The following RABEP1 variants were observed in gnomAD, a reference collection of about 807,000 sequenced individuals.
RABEP1 encodes the protein rab GTPase-binding effector protein 1.
A neutral mutation model predicts 123.4 loss-of-function variants in RABEP1; 51 were observed. The observed-to-expected ratio is 0.41, with a 90% CI of 0.33 to 0.52. The LOEUF (loss-of-function observed/expected upper bound fraction) is 0.52. RABEP1 is among the 20% of genes least tolerant of loss of function. The probability of loss-of-function intolerance (pLI) is 0.16; values close to 1 mark genes in which losing one functional copy is unlikely to be tolerated. For synonymous variants in RABEP1, 347 were observed against 355.2 expected (o/e 0.98, Z 0.26); for missense variants, 888 against 996.3 (o/e 0.89, Z 1.46).
At chr17:5,288,522 A>T (rs940507614) in intron 1 of RABEP1, among the ~76,000 whole-genome samples, 2 of 151,954 alleles carry the variant, frequency 1.3e-5, no homozygotes, top group Non-Finnish European at 2.9e-5. Context: ...CAGCCTCCCA[A>T]GTAGCTGGGA....
intron 2 of RABEP1, among the ~76,000 whole-genome samples, chr17:5,318,884 G>A (rs965680407): frequency 6.6e-5 from 10 of 152,122 alleles, no homozygotes; most frequent in East Asian, 1.9e-4. Flanking sequence ...GTGTAGGTAC[G>A]CAAGACTGGT....
intron 12 of RABEP1, among the ~76,000 whole-genome samples, chr17:5,373,024 T>G (rs569053384): frequency 1.8e-4 from 27 of 152,274 alleles, no homozygotes; most frequent in African/African-American, 6.0e-4. Flanking sequence ...TCCCAAAGTG[T>G]TGGGATTACA....
chr17:5,373,377 G>A lies in RABEP1; in HGVS notation c.1948G>A (p.Asp650Asn), dbSNP rs1365056712. Residue 650 changes from aspartate to asparagine, a missense_variant, in exon 13 of 18, where the codon GAC (aspartate) becomes AAC (asparagine). Physicochemically the swap from Asp to Asn is conservative, Grantham distance 23 (BLOSUM62 1). Transcript: ENST00000537505. ...GCTGGTGAGGTTACAGAAAGATAAT[G>A]ACAGTCTCCAGGGAAAGCACAGCCT... Reference protein sequence around the residue: ...EELVRLQKDNDSLQGKHSLHV... With the variant: ...EELVRLQKDNNSLQGKHSLHV... 1 of 1,613,296 alleles carries A rather than the reference G, an allele frequency of 6.2e-7. No individual in the cohort carries two copies.
chr17:5,325,645 C>T (rs1905897142), intron 2 of RABEP1, among the ~76,000 whole-genome samples: 1 of 150,918 alleles, frequency 6.6e-6, no homozygotes, highest in Non-Finnish European at 1.5e-5. Context: ...GTAATCTATT[C>T]TAGATTTCAA....
chr17:5,307,651 G>A (rs1378580136), intron 1 of RABEP1, among the ~76,000 whole-genome samples: 4 of 152,170 alleles, frequency 2.6e-5, no homozygotes, highest in Admixed American at 1.3e-4. Flanking sequence ...GAGATCAGGG[G>A]TTTGCACAGC....
intron 2 of RABEP1, among the ~76,000 whole-genome samples, chr17:5,320,135 A>T (rs2075338860): frequency 6.6e-6 from 1 of 152,174 alleles, no homozygotes; most frequent in Non-Finnish European, 1.5e-5. Flanking sequence ...TAGCAAGAGA[A>T]AAGTAGCAAA....
At chr17:5,381,762 T>A in intron 17 of RABEP1, 1 of 331,586 alleles carries the variant, frequency 3.0e-6, no homozygotes, top group Non-Finnish European at 5.2e-6. Flanking sequence ...GCATACCATG[T>A]AAGACTCTTC....
intron 10 of RABEP1, among the ~76,000 whole-genome samples, chr17:5,363,747 A>C (rs1026937900): frequency 1.3e-5 from 2 of 152,226 alleles, no homozygotes; most frequent in Non-Finnish European, 2.9e-5. Flanking sequence ...TTCAGTGCAT[A>C]TTACTCATTT....
At chr17:5,354,242 A>G (rs981123996) in intron 7 of RABEP1, 117 bp from the exon 8 acceptor site, 3 of 896,896 alleles carry the variant, frequency 3.3e-6, no homozygotes, top group Admixed American at 3.1e-5. Flanking sequence ...AAGCGTAAGT[A>G]TCCAGTTTTC....
At chr17:5,304,703 T>C (rs1000952826) in intron 1 of RABEP1, among the ~76,000 whole-genome samples, 5 of 152,346 alleles carry the variant, frequency 3.3e-5, no homozygotes, top group African/African-American at 9.6e-5. Flanking sequence ...ATACTGATAT[T>C]CTCAGCCTTC....
chr17:5,298,877 G>A (rs542349762), intron 1 of RABEP1, among the ~76,000 whole-genome samples: 6 of 151,622 alleles, frequency 4.0e-5, no homozygotes, highest in Non-Finnish European at 7.4e-5. Flanking sequence ...GGATGGTCTC[G>A]ATCTCCTGAC....
In RABEP1 at chr17:5,374,498, G is replaced by A. The variant is rs1910817615; in HGVS notation, c.2025+1044G>A. Among the ~76,000 whole-genome samples, 2 of 150,496 alleles carry A rather than the reference G, an allele frequency of 1.3e-5. 1 individual carries two copies. The highest frequency in any genetic ancestry group is 4.9e-5 in the African/African-American group (2 of 40,676). Reference sequence around the variant, plus strand: ...GTCCCCTAGGCTGGAGTGCAGTGGTGTGATCTTGGCTCACTGCAACCTCCG... The same window carrying A: ...GTCCCCTAGGCTGGAGTGCAGTGGTATGATCTTGGCTCACTGCAACCTCCG... On this transcript the variant is annotated intron_variant, in intron 13 of 17. Transcript: ENST00000537505.
Position 5,282,288 on chromosome 17 carries a change from G to A in RABEP1, c.-199G>A. The A allele has an allele frequency of 2.5e-6, 1 of 407,166 alleles. No individual in the cohort carries two copies. The highest frequency in any genetic ancestry group is 4.3e-6 in the Non-Finnish European group (1 of 232,794). The allele number at this position is 407,166 out of a possible 1,614,324, so 25.2% of individuals were successfully genotyped here. A position where few individuals can be genotyped will look rare whatever the true frequency, so the allele number is the denominator to read the frequency against. ...GCGCACTGCTTATTTCCCGCTGTCA[G>A]GATGAGGAGGCGGAGGTCGGCGGTC... On this transcript the variant is annotated 5_prime_UTR_variant, in exon 1 of 18. Coordinates refer to ENST00000537505, the MANE Select transcript of RABEP1 (RefSeq NM_004703.6).
rs375087746 is a variant in RABEP1 at position 5,381,469 on chromosome 17, C to T, written c.2451C>T (p.Val817=). The stretch of plus-strand genomic sequence containing the variant: ...CAGAATTAGATGTCAGTGAGCAAGT[C>T]CAGAGGGATTTTGTAAAGCTTTCAC... ...LQTELDVSEQ[V]QRDFVKLSQT... The change falls in exon 17 of 18, where the codon GTC becomes GTT. Residue 817 remains valine, a synonymous_variant. Coordinates refer to ENST00000537505, the MANE Select transcript of RABEP1 (RefSeq NM_004703.6). 10 of 1,613,620 alleles carry T rather than the reference C, an allele frequency of 6.2e-6. No individual in the cohort carries two copies. Among genetic ancestry groups the T allele is most frequent in the Non-Finnish European group, 8.5e-6 (10 of 1,179,744 alleles).
At chr17:5,348,350 CAGAG>C (rs1053697233) in intron 6 of RABEP1, among the ~76,000 whole-genome samples, 6 of 152,106 alleles carry the variant, frequency 3.9e-5, no homozygotes, top group Admixed American at 6.6e-5. Context: ...GTCAGGTAGT[CAGAG>C]AGAAGCATGG....
Position 5,350,752 on chromosome 17 carries a change from T to C in RABEP1, c.963+123T>C, listed in dbSNP as rs898333721. On this transcript the variant is annotated intron_variant, in intron 7 of 17. Transcript: ENST00000537505. ...GCAACAAGGTGATAAAGGTGATATG[T>C]GCCACTTTTAAAAACATAACAGCTA... 3.7e-6 allele frequency: 4 copies of C among 1,070,358 alleles called. No individual in the cohort carries two copies. The Admixed American group carries it at 8.4e-5, about 23-fold the overall frequency. The allele number at this position is 1,070,358 out of a possible 1,614,324, so 66.3% of individuals were successfully genotyped here. A position where few individuals can be genotyped will look rare whatever the true frequency, so the allele number is the denominator to read the frequency against.
At chr17:5,355,268 G>C (rs1908917793) in intron 8 of RABEP1, among the ~76,000 whole-genome samples, 1 of 152,014 alleles carries the variant, frequency 6.6e-6, no homozygotes, top group South Asian at 2.1e-4. Context: ...CATCATCTTG[G>C]GCTGTATTCC....
At chr17:5,313,837 T>C (rs1474875918) in intron 2 of RABEP1, among the ~76,000 whole-genome samples, 3 of 152,240 alleles carry the variant, frequency 2.0e-5, no homozygotes, top group African/African-American at 7.2e-5. Flanking sequence ...AAATGCATAG[T>C]ATATAAAAGG....
intron 11 of RABEP1, among the ~76,000 whole-genome samples, chr17:5,368,073 C>A (rs1910227632): frequency 6.6e-6 from 1 of 151,926 alleles, no homozygotes; most frequent in South Asian, 2.1e-4. Flanking sequence ...TTTTTTTAAA[C>A]ATCTTTAAAC....
Sources: allele counts gnomAD v4.1 joint callset (sites outside exome capture counted in the v4.1 genomes callset), GRCh38; gene constraint gnomAD v4.1.1; transcripts MANE v1.5; gene names NCBI Gene and HGNC (gene_info 2026-07-23, HGNC 2026-07-21).